PACRG: variants seen among roughly 807,000 people sequenced by gnomAD.
PACRG encodes parkin coregulated gene protein.
PACRG carries 29 observed loss-of-function variants against 29.7 expected under a neutral mutation model. The observed-to-expected ratio is 0.98, with a 90% CI of 0.73 to 1.33. The LOEUF (loss-of-function observed/expected upper bound fraction) is 1.33, where lower values mean the gene tolerates loss of function less well. PACRG is among the 40% of genes most tolerant of loss of function. PACRG has a pLI of 0.00. For synonymous variants in PACRG, 116 were observed against 118.7 expected (o/e 0.98, Z 0.15); for missense variants, 279 against 316.2 (o/e 0.88, Z 0.89).
chr6:162,934,924 T>G (rs1210521473), intron 2 of PACRG, among the ~76,000 whole-genome samples: 3 of 152,192 alleles, frequency 2.0e-5, no homozygotes, highest in Admixed American at 1.3e-4. Context: ...TTATTTTTCA[T>G]TTATTTATGA....
intron 2 of PACRG, among the ~76,000 whole-genome samples, chr6:162,823,366 C>A (rs374227885): frequency 6.6e-6 from 1 of 152,078 alleles, no homozygotes; most frequent in Non-Finnish European, 1.5e-5. Context: ...TATTGTTACT[C>A]TGTCCCAATT....
chr6:162,760,272 G>A (rs1198300483), intron 1 of PACRG, among the ~76,000 whole-genome samples: 3 of 152,166 alleles, frequency 2.0e-5, no homozygotes, highest in Non-Finnish European at 4.4e-5. Context: ...GATCTACATG[G>A]GACATCAACA....
At chr6:163,289,655 G>A (rs1172976630) in intron 4 of PACRG, among the ~76,000 whole-genome samples, 1 of 151,990 alleles carries the variant, frequency 6.6e-6, no homozygotes, top group Non-Finnish European at 1.5e-5. Flanking sequence ...CACTACGTGT[G>A]GCGCATGTTG....
At chr6:163,184,421 C>T (rs1779819067) in intron 4 of PACRG, among the ~76,000 whole-genome samples, 1 of 152,110 alleles carries the variant, frequency 6.6e-6, no homozygotes, top group Non-Finnish European at 1.5e-5. Context: ...TTCATGTGGC[C>T]ATGACAAATT....
In PACRG at chr6:163,027,448, A is replaced by G. The variant is rs146640514; in HGVS notation, c.292-34702A>G. On this transcript the variant is annotated intron_variant, in intron 2 of 4. Transcript: ENST00000366888. Reference sequence around the variant, plus strand: ...TCTCTCTTAAAATTGCTGTTTCCAAATGTCAACTGAATTTCTAGAATTCAT... The same window carrying G: ...TCTCTCTTAAAATTGCTGTTTCCAAGTGTCAACTGAATTTCTAGAATTCAT... Among the ~76,000 whole-genome samples the G allele has an allele frequency of 3.8e-3, 574 of 152,328 alleles. 4 individuals carry two copies. The highest frequency in any genetic ancestry group is 0.013 in the African/African-American group (531 of 41,574).
chr6:162,749,750 C>T (rs1177435732), intron 1 of PACRG, among the ~76,000 whole-genome samples: 1 of 152,112 alleles, frequency 6.6e-6, no homozygotes, highest in Admixed American at 6.5e-5. Context: ...GAACTCCTGA[C>T]CTCAGATGAT....
At chr6:162,798,466 T>G (rs1394565259) in intron 1 of PACRG, among the ~76,000 whole-genome samples, 1 of 152,186 alleles carries the variant, frequency 6.6e-6, no homozygotes, top group Admixed American at 6.5e-5. Context: ...CCCACATAGC[T>G]TGTGCCTTAT....
At chr6:162,900,404 G>A (rs1457305398) in intron 2 of PACRG, among the ~76,000 whole-genome samples, 7 of 152,100 alleles carry the variant, frequency 4.6e-5, no homozygotes, top group Admixed American at 6.5e-5. Flanking sequence ...ACGTGATAGC[G>A]TGCAAGACTC....
chr6:163,105,269 A>G (rs1204951280), intron 4 of PACRG, among the ~76,000 whole-genome samples: 2 of 152,228 alleles, frequency 1.3e-5, no homozygotes, highest in Non-Finnish European at 2.9e-5. Flanking sequence ...ACCTATTAAA[A>G]TGATAGTTTT....
chr6:163,012,838 A>G (rs1444903965), intron 2 of PACRG, among the ~76,000 whole-genome samples: 1 of 152,176 alleles, frequency 6.6e-6, no homozygotes, highest in Non-Finnish European at 1.5e-5. Flanking sequence ...ACAACACACT[A>G]CAGGTGTAGA....
At chr6:162,904,826 G>C (rs1376165074) in intron 2 of PACRG, among the ~76,000 whole-genome samples, 1 of 152,188 alleles carries the variant, frequency 6.6e-6, no homozygotes, top group South Asian at 2.1e-4. Context: ...GTAAGGAGAT[G>C]ATATGGCATG....
intron 4 of PACRG, among the ~76,000 whole-genome samples, chr6:163,145,380 T>C (rs533203406): frequency 6.6e-6 from 1 of 152,328 alleles, no homozygotes; most frequent in South Asian, 2.1e-4. Flanking sequence ...AGTCATGCAG[T>C]GTACATTTTC....
At chr6:163,048,642 C>T (rs1156593040) in intron 2 of PACRG, among the ~76,000 whole-genome samples, 2 of 152,064 alleles carry the variant, frequency 1.3e-5, no homozygotes, top group African/African-American at 2.4e-5. Context: ...AGAGTCAGTA[C>T]AAAGGGGAAA....
intron 2 of PACRG, among the ~76,000 whole-genome samples, chr6:162,858,209 C>T (rs187636979): frequency 3.3e-5 from 5 of 152,044 alleles, no homozygotes; most frequent in Middle Eastern, 3.4e-3. Context: ...TTCCACATGG[C>T]GGGGGAGGCC....
intron 2 of PACRG, among the ~76,000 whole-genome samples, chr6:162,968,319 A>T (rs1157822918): frequency 6.6e-6 from 1 of 152,218 alleles, no homozygotes; most frequent in East Asian, 1.9e-4. Flanking sequence ...TTAGCCTAAA[A>T]TTTATTTTTT....
rs1246509914 is a variant in PACRG, at chr6:163,034,071, CAG to C, written c.292-28071_292-28070del. Among the ~76,000 whole-genome samples the C allele has an allele frequency of 3.9e-5, 6 of 152,146 alleles. No individual in the cohort carries two copies. In the East Asian group the frequency reaches 5.8e-4, roughly 15 times the overall value. On this transcript the variant is annotated intron_variant, in intron 2 of 4. Coordinates refer to ENST00000366888, the MANE Select transcript of PACRG (RefSeq NM_001080379.2). The stretch of plus-strand genomic sequence containing the variant: ...TTACCATTCATTCAACCAGTTTGCA[CAG>C]AGAGAGAAACAGCGGAAAAGCATTG...
chr6:163,121,196 G>GATCATT (rs1225322906), intron 4 of PACRG, among the ~76,000 whole-genome samples: 2 of 152,114 alleles, frequency 1.3e-5, no homozygotes, highest in Non-Finnish European at 2.9e-5. Flanking sequence ...AAATAGAAGT[G>GATCATT]ATCATTATTT....
intron 4 of PACRG, among the ~76,000 whole-genome samples, chr6:163,305,482 C>T (rs1032679292): frequency 2.0e-5 from 3 of 152,304 alleles, no homozygotes; most frequent in Middle Eastern, 3.4e-3. Flanking sequence ...TCAGCCTGCT[C>T]GTCTATCTTG....
intron 2 of PACRG, among the ~76,000 whole-genome samples, chr6:162,858,433 A>G (rs1273049753): frequency 2.0e-5 from 3 of 152,192 alleles, no homozygotes; most frequent in South Asian, 2.1e-4. Context: ...TGGGTATAAC[A>G]ATTCAAGATG....
Sources: allele counts gnomAD v4.1 joint callset (sites outside exome capture counted in the v4.1 genomes callset), GRCh38; gene constraint gnomAD v4.1.1; transcripts MANE v1.5; gene names NCBI Gene and HGNC (gene_info 2026-07-23, HGNC 2026-07-21).